Variants in TNKS observed in about 807,000 individuals in gnomAD.
TNKS encodes the protein tankyrase, also known as poly [ADP-ribose] polymerase tankyrase-1.
A neutral mutation model predicts 135.8 loss-of-function variants in TNKS; 72 were observed. The observed-to-expected ratio is 0.53, with a 90% confidence interval of 0.44 to 0.64. The LOEUF (loss-of-function observed/expected upper bound fraction) is 0.64, where lower values mean the gene tolerates loss of function less well. TNKS is among the 30% of genes least tolerant of loss of function. TNKS has a pLI of 0.00. For synonymous variants in TNKS, 849 were observed against 649.3 expected, an observed-to-expected ratio of 1.31 and a Z score of -4.68; for missense variants, 1,769 against 1,674.0, an observed-to-expected ratio of 1.06 and a Z score of -0.99.
At chr8:9,775,873 G>A (rs752045299) in intron 26 of TNKS, among the ~76,000 whole-genome samples, 86 of 151,816 alleles carry the variant, frequency 5.7e-4, no homozygotes, top group Non-Finnish European at 3.4e-4. Flanking sequence ...GTTATAGTTA[G>A]GGCTGAAGAA....
chr8:9,723,371 T>C (rs1294824212), intron 12 of TNKS, among the ~76,000 whole-genome samples: 1 of 151,736 alleles, frequency 6.6e-6, no homozygotes, highest in Non-Finnish European at 1.5e-5. Context: ...GTAATTTGTT[T>C]TGTTCTGGAT....
chr8:9,765,612 T>G, intron 23 of TNKS, 80 bp from the exon 24 acceptor site: 1 of 1,266,796 alleles, frequency 7.9e-7, no homozygotes. Flanking sequence ...TGAACCTTCC[T>G]AAAAGGAAAA....
intron 3 of TNKS, among the ~76,000 whole-genome samples, chr8:9,627,285 G>A (rs758543569): frequency 2.6e-5 from 4 of 152,068 alleles, no homozygotes; most frequent in Non-Finnish European, 5.9e-5. Flanking sequence ...ACCAGTAAAT[G>A]TAAGTAAGTA....
chr8:9,747,496 T>G (rs532258234), intron 17 of TNKS, among the ~76,000 whole-genome samples: 1 of 152,204 alleles, frequency 6.6e-6, no homozygotes, highest in Non-Finnish European at 1.5e-5. Context: ...AGACCAATTT[T>G]CATAAAATGT....
intron 17 of TNKS, among the ~76,000 whole-genome samples, chr8:9,741,487 A>C (rs1399220999): frequency 6.6e-6 from 1 of 152,234 alleles, no homozygotes; most frequent in Non-Finnish European, 1.5e-5. Context: ...AGGATAAGGA[A>C]AAGAAAAATT....
At chr8:9,772,448 G>GTTTTACTTTTTTTAATGTTGA (rs1265672025) in intron 26 of TNKS, 1 of 453,444 alleles carries the variant, frequency 2.2e-6, no homozygotes, top group Admixed American at 2.4e-5. Flanking sequence ...AATGAGGAAT[G>GTTTTACTTTTTTTAATGTTGA]TTTTACTTTT....
chr8:9,587,826 A>G (rs1339342634), intron 2 of TNKS, among the ~76,000 whole-genome samples: 2 of 152,226 alleles, frequency 1.3e-5, no homozygotes, highest in East Asian at 1.9e-4. Context: ...TACGGCAGCA[A>G]TAGCAAGCAT....
chr8:9,665,525 G>T (rs1342861822), intron 3 of TNKS, among the ~76,000 whole-genome samples: 1 of 152,208 alleles, frequency 6.6e-6, no homozygotes, highest in Non-Finnish European at 1.5e-5. Flanking sequence ...AGAGTCACTA[G>T]AAATGGTCTG....
intron 22 of TNKS, among the ~76,000 whole-genome samples, chr8:9,763,986 G>A (rs1807286888): frequency 6.6e-6 from 1 of 152,076 alleles, no homozygotes; most frequent in African/African-American, 2.4e-5. Context: ...CTGTATTTCA[G>A]CTCATACGTA....
At chr8:9,770,035 TAGATC>T in intron 25 of TNKS, 66 bp from the exon 26 acceptor site, 2 of 1,368,834 alleles carry the variant, frequency 1.5e-6, no homozygotes. Context: ...AAAAAATTAA[TAGATC>T]TAGCAGTTAT....
rs893113398 is a variant in TNKS at position 9,643,124 on chromosome 8, T to A, written c.994+27447T>A. 4.8e-5 allele frequency among the ~76,000 whole-genome samples: 7 copies of A among 146,536 alleles called. 3 individuals are homozygous for A. Among genetic ancestry groups the A allele is most frequent in the Non-Finnish European group, 1.0e-4 (7 of 66,798 alleles). The stretch of plus-strand genomic sequence containing the variant: ...AAGTCCATTTTTATTAAAAATTTAC[T>A]CATTAGACATAATCTTGGAAAGAAA... On this transcript the variant is annotated intron_variant, in intron 3 of 26. Coordinates refer to ENST00000310430, the MANE Select transcript of TNKS (RefSeq NM_003747.3).
chr8:9,763,575 C>T (rs961458240), intron 22 of TNKS, among the ~76,000 whole-genome samples: 4 of 152,174 alleles, frequency 2.6e-5, no homozygotes, highest in African/African-American at 9.7e-5. Context: ...GAATGAAAAA[C>T]TCTTGCCTCA....
chr8:9,629,924 C>G (rs1332334681), intron 3 of TNKS, among the ~76,000 whole-genome samples: 3 of 152,086 alleles, frequency 2.0e-5, no homozygotes, highest in African/African-American at 7.2e-5. Flanking sequence ...CCTTGTGATC[C>G]GCCCGCCTCG....
chr8:9,580,046 T>G, intron 1 of TNKS, 113 bp from the exon 2 acceptor site: 1 of 810,428 alleles, frequency 1.2e-6, no homozygotes, highest in Non-Finnish European at 2.0e-6. Context: ...CACCATTTAC[T>G]ATAGAGTGCA....
chr8:9,619,640 G>A (rs1260887730), intron 3 of TNKS, among the ~76,000 whole-genome samples: 2 of 152,122 alleles, frequency 1.3e-5, no homozygotes, highest in Non-Finnish European at 2.9e-5. Context: ...CACTTCTGTG[G>A]AAATCCAAAT....
intron 11 of TNKS, among the ~76,000 whole-genome samples, chr8:9,719,243 G>A (rs1404526940): frequency 6.6e-6 from 1 of 152,140 alleles, no homozygotes; most frequent in Admixed American, 6.5e-5. Context: ...AGCCTTACTG[G>A]TAATGATAAA....
intron 17 of TNKS, among the ~76,000 whole-genome samples, chr8:9,747,625 A>G (rs1015297340): frequency 6.6e-6 from 1 of 152,264 alleles, no homozygotes. Context: ...CAATGTGAAT[A>G]GAATGCATAT....
At chr8:9,680,613 G>A in intron 4 of TNKS, 112 bp from the exon 5 acceptor site, 1 of 693,860 alleles carries the variant, frequency 1.4e-6, no homozygotes, top group Non-Finnish European at 2.6e-6. Flanking sequence ...TGTGATCCAT[G>A]TAAAAGAAAT....
intron 1 of TNKS, among the ~76,000 whole-genome samples, chr8:9,559,028 A>C (rs989707086): frequency 6.6e-6 from 1 of 152,192 alleles, no homozygotes; most frequent in African/African-American, 2.4e-5. Context: ...TTGGATGGAA[A>C]AATTTAAAAA....
Sources: gnomAD v4.1 joint callset for allele counts (sites outside exome capture counted in the v4.1 genomes callset) on GRCh38, gnomAD v4.1.1 for gene constraint, MANE v1.5 for transcripts, NCBI Gene and HGNC (gene_info 2026-07-23, HGNC 2026-07-21) for gene names.